RAPGEF4: variants seen among roughly 807,000 people sequenced by gnomAD.
The protein encoded by RAPGEF4 is RAP guanine-nucleotide-exchange factor (GEF) 4.
RAPGEF4 carries 66 observed loss-of-function variants against 147.9 expected under a neutral mutation model. That is an observed-to-expected ratio of 0.45 (90% CI 0.37 to 0.55). The LOEUF is 0.55. RAPGEF4 is among the 20% of genes least tolerant of loss of function. The pLI is 0.00. For missense variants in RAPGEF4, 1,071 were observed against 1,257.3 expected, an observed-to-expected ratio of 0.85 and a Z score of 2.24; for synonymous variants, 419 against 442.7, an observed-to-expected ratio of 0.95 and a Z score of 0.67.
intron 4 of RAPGEF4, among the ~76,000 whole-genome samples, chr2:172,903,218 GATTA>G (rs1450939298): frequency 4.0e-4 from 61 of 151,996 alleles, no homozygotes; most frequent in Non-Finnish European, 4.4e-5. Flanking sequence ...AAAATACAAA[GATTA>G]GCTGGGCATC....
At chr2:172,780,162 C>A (rs894346432) in intron 1 of RAPGEF4, among the ~76,000 whole-genome samples, 15 of 151,736 alleles carry the variant, frequency 9.9e-5, no homozygotes, top group Admixed American at 2.6e-4. Flanking sequence ...GATTGATTAA[C>A]AAGAAAAAAA....
intron 10 of RAPGEF4, among the ~76,000 whole-genome samples, chr2:172,975,241 C>T (rs1690945381): frequency 6.6e-6 from 1 of 152,134 alleles, no homozygotes; most frequent in Non-Finnish European, 1.5e-5. Context: ...CACTGAAAAC[C>T]CACAGCTCTG....
chr2:173,036,883 A>G, intron 29 of RAPGEF4, 191 bp downstream of exon 29: 1 of 494,090 alleles, frequency 2.0e-6, no homozygotes, highest in Non-Finnish European at 3.6e-6. Flanking sequence ...GAAATTGAAT[A>G]GTATTTGTGT....
chr2:172,837,772 C>T (rs1691128069), intron 4 of RAPGEF4, among the ~76,000 whole-genome samples: 1 of 152,104 alleles, frequency 6.6e-6, no homozygotes, highest in Non-Finnish European at 1.5e-5. Flanking sequence ...CTATGTTGCT[C>T]AGGCTGGTCT....
At chr2:172,945,377 C>T (rs1156832314) in intron 6 of RAPGEF4, among the ~76,000 whole-genome samples, 2 of 151,986 alleles carry the variant, frequency 1.3e-5, no homozygotes, top group Admixed American at 6.6e-5. Context: ...TTTTGCCAAA[C>T]CTAGATCAAA....
chr2:172,809,199 G>A (rs534115338), intron 3 of RAPGEF4, among the ~76,000 whole-genome samples: 2 of 152,300 alleles, frequency 1.3e-5, no homozygotes, highest in East Asian at 3.9e-4. Context: ...CCCCAGGTTA[G>A]TGTGGGGAGG....
Position 172,795,014 on chromosome 2 carries a change from TC to T in RAPGEF4, c.66-8del. The T allele has an allele frequency of 6.2e-7, 1 of 1,603,224 alleles. No individual in the cohort carries two copies. On this transcript the variant is annotated splice_polypyrimidine_tract_variant and intron_variant, in intron 1 of 30. Transcript: ENST00000397081. ...ACTGACATAGCTTTTGTGCCTTTTCTCCCTATACAGACCACTGGAGCGATCC... is the reference window on the plus strand; with the variant it reads ...ACTGACATAGCTTTTGTGCCTTTTCTCCTATACAGACCACTGGAGCGATCC...
At chr2:172,779,210 A>G (rs1444592449) in intron 1 of RAPGEF4, among the ~76,000 whole-genome samples, 2 of 152,248 alleles carry the variant, frequency 1.3e-5, no homozygotes, top group Non-Finnish European at 2.9e-5. Context: ...TGGAGACAAT[A>G]GCCAAAATAA....
chr2:172,991,269 TG>T (rs1692808610), intron 15 of RAPGEF4, among the ~76,000 whole-genome samples: 1 of 152,228 alleles, frequency 6.6e-6, no homozygotes, highest in African/African-American at 2.4e-5. Flanking sequence ...TGAAGGCCCC[TG>T]GGTGATGAGA....
chr2:172,836,437 A>G (rs1432369080), intron 4 of RAPGEF4, among the ~76,000 whole-genome samples: 1 of 152,182 alleles, frequency 6.6e-6, no homozygotes, highest in African/African-American at 2.4e-5. Flanking sequence ...GATATCCTAG[A>G]GCAACCTCAT....
chr2:172,937,818 A>G (rs897734142), intron 6 of RAPGEF4, among the ~76,000 whole-genome samples: 2 of 151,884 alleles, frequency 1.3e-5, no homozygotes, highest in Admixed American at 6.6e-5. Context: ...TTATATCACT[A>G]TGCACTCATG....
chr2:172,823,072 G>T (rs190285038), intron 4 of RAPGEF4, among the ~76,000 whole-genome samples: 1 of 152,164 alleles, frequency 6.6e-6, no homozygotes, highest in Non-Finnish European at 1.5e-5. Context: ...AAGATCCAGC[G>T]TGCTAAAGGA....
intron 16 of RAPGEF4, among the ~76,000 whole-genome samples, chr2:172,999,483 A>T (rs549169972): frequency 6.6e-6 from 1 of 152,254 alleles, no homozygotes; most frequent in East Asian, 1.9e-4. Flanking sequence ...AAAAATGCAC[A>T]CTGCTGAATT....
At chr2:172,876,459 G>T (rs928861028) in intron 4 of RAPGEF4, among the ~76,000 whole-genome samples, 22 of 152,130 alleles carry the variant, frequency 1.4e-4, no homozygotes, top group Non-Finnish European at 2.9e-4. Flanking sequence ...TTAGCATGAA[G>T]GGCTGTTGAA....
At chr2:172,997,858 G>C (rs1693523229) in intron 16 of RAPGEF4, among the ~76,000 whole-genome samples, 1 of 151,954 alleles carries the variant, frequency 6.6e-6, no homozygotes, top group South Asian at 2.1e-4. Context: ...CCTCCTAAAG[G>C]TATTTTACCA....
chr2:172,986,574 C>A (rs1265610316), intron 12 of RAPGEF4, among the ~76,000 whole-genome samples: 1 of 151,934 alleles, frequency 6.6e-6, no homozygotes, highest in Non-Finnish European at 1.5e-5. Flanking sequence ...TCTTTTCATT[C>A]AAACTTGCTA....
intron 4 of RAPGEF4, among the ~76,000 whole-genome samples, chr2:172,857,841 G>A (rs905481437): frequency 1.7e-5 from 2 of 117,952 alleles, no homozygotes; most frequent in Admixed American, 2.1e-4. Flanking sequence ...CATGACCTAC[G>A]GCTGTACTCC....
At chr2:172,792,195 G>A (rs1042529478) in intron 1 of RAPGEF4, among the ~76,000 whole-genome samples, 1 of 152,202 alleles carries the variant, frequency 6.6e-6, no homozygotes, top group African/African-American at 2.4e-5. Flanking sequence ...CCCAGTAGGG[G>A]CGCCTCTGCC....
intron 4 of RAPGEF4, among the ~76,000 whole-genome samples, chr2:172,862,810 A>G (rs1694181205): frequency 6.6e-6 from 1 of 152,198 alleles, no homozygotes; most frequent in African/African-American, 2.4e-5. Flanking sequence ...AGAAAGTAAC[A>G]TTCATCATAC....
Sources: gnomAD v4.1 joint callset for allele counts (sites outside exome capture counted in the v4.1 genomes callset) on GRCh38, gnomAD v4.1.1 for gene constraint, MANE v1.5 for transcripts, NCBI Gene and HGNC (gene_info 2026-07-23, HGNC 2026-07-21) for gene names.